Variants in AKAP19 observed in about 807,000 individuals in gnomAD.
The protein encoded by AKAP19 is small A-kinase anchoring protein.
At chr2:189,938,460 T>C in the AKAP19 span, among the ~76,000 whole-genome samples, 1 of 151,940 alleles carries the variant, frequency 6.6e-6, no homozygotes, top group Non-Finnish European at 1.5e-5. Flanking sequence ...TTATGGTAAG[T>C]GAAATAAGCC....
At chr2:190,076,043 C>T in the AKAP19 span, among the ~76,000 whole-genome samples, 1 of 152,014 alleles carries the variant, frequency 6.6e-6, no homozygotes, top group Non-Finnish European at 1.5e-5. Flanking sequence ...GTGTGATTGC[C>T]ATCATACATT....
At chr2:190,200,135 G>A in the AKAP19 span, 2 of 1,613,740 alleles carry the variant, frequency 1.2e-6, no homozygotes, top group Admixed American at 3.3e-5. Flanking sequence ...TACATTGAGA[G>A]TGAGGGGCCT....
the AKAP19 span, among the ~76,000 whole-genome samples, chr2:190,081,808 T>C: frequency 6.6e-6 from 1 of 152,106 alleles, no homozygotes; most frequent in Non-Finnish European, 1.5e-5. Flanking sequence ...TTCTATGGTA[T>C]AGTAGGTAAA....
chr2:189,901,725 G>A, the AKAP19 span, among the ~76,000 whole-genome samples: 1 of 152,162 alleles, frequency 6.6e-6, no homozygotes, highest in Non-Finnish European at 1.5e-5. Context: ...CCCCAAAAAT[G>A]TTAGCCAGTT....
the AKAP19 span, among the ~76,000 whole-genome samples, chr2:189,941,561 A>G: frequency 1.3e-5 from 2 of 152,192 alleles, no homozygotes; most frequent in African/African-American, 4.8e-5. Flanking sequence ...AGTAAATATA[A>G]AATAAAATAA....
chr2:189,932,993 GA>G, the AKAP19 span, among the ~76,000 whole-genome samples: 2 of 152,108 alleles, frequency 1.3e-5, no homozygotes, highest in Non-Finnish European at 2.9e-5. Flanking sequence ...CTCATATCTA[GA>G]TTATCCTATG....
At chr2:190,004,827 T>C in the AKAP19 span, among the ~76,000 whole-genome samples, 7 of 152,182 alleles carry the variant, frequency 4.6e-5, no homozygotes, top group Non-Finnish European at 8.8e-5. Context: ...TAATTGGATG[T>C]TCAGTAGGTT....
At chr2:190,010,638 A>G in the AKAP19 span, among the ~76,000 whole-genome samples, 1 of 152,212 alleles carries the variant, frequency 6.6e-6, no homozygotes, top group Non-Finnish European at 1.5e-5. Context: ...GGTTGTATAG[A>G]AAATATGGTG....
the AKAP19 span, among the ~76,000 whole-genome samples, chr2:190,136,105 T>C: frequency 6.6e-6 from 1 of 151,478 alleles, no homozygotes. Flanking sequence ...GGGTGTCTAC[T>C]ACATGTGAAC....
chr2:190,077,500 G>A, the AKAP19 span, among the ~76,000 whole-genome samples: 4 of 152,094 alleles, frequency 2.6e-5, no homozygotes, highest in South Asian at 8.3e-4. Flanking sequence ...ATGTTAAAAT[G>A]TTAATGTTGG....
chr2:190,106,478 C>G, the AKAP19 span, among the ~76,000 whole-genome samples: 2 of 152,118 alleles, frequency 1.3e-5, no homozygotes, highest in East Asian at 3.9e-4. Flanking sequence ...TGTTCGTTTG[C>G]CCTATCCTAC....
chr2:190,084,684 G>T, the AKAP19 span, among the ~76,000 whole-genome samples: 1 of 152,144 alleles, frequency 6.6e-6, no homozygotes, highest in Admixed American at 6.5e-5. Flanking sequence ...TAAGGTGATT[G>T]TATTTTCCCA....
At chr2:190,104,508 T>G in the AKAP19 span, among the ~76,000 whole-genome samples, 8 of 152,068 alleles carry the variant, frequency 5.3e-5, no homozygotes, top group Non-Finnish European at 1.2e-4. Context: ...CAAATAACCC[T>G]GGCCAGGCAC....
the AKAP19 span, among the ~76,000 whole-genome samples, chr2:190,096,662 C>G: frequency 1.3e-5 from 2 of 152,146 alleles, no homozygotes; most frequent in Non-Finnish European, 2.9e-5. Context: ...ATGTTTTAGT[C>G]CATGTATGCT....
At chr2:189,940,874 G>C in the AKAP19 span, among the ~76,000 whole-genome samples, 23,387 of 151,994 alleles carry the variant, frequency 0.15, 1,877 homozygotes, top group Middle Eastern at 0.25. Context: ...CTGGGCGACA[G>C]AGCAAGACTC....
the AKAP19 span, among the ~76,000 whole-genome samples, chr2:190,074,282 G>A: frequency 5.9e-5 from 9 of 151,968 alleles, 1 homozygote; most frequent in East Asian, 1.7e-3. Context: ...AAATGAGAGG[G>A]GAATATCACT....
At chr2:190,007,004 AG>A in the AKAP19 span, among the ~76,000 whole-genome samples, 1 of 152,150 alleles carries the variant, frequency 6.6e-6, no homozygotes, top group African/African-American at 2.4e-5. Context: ...TGGGCGACAG[AG>A]TGAGACTCCA....
chr2:189,894,295 A>G, the AKAP19 span, among the ~76,000 whole-genome samples: 2 of 152,338 alleles, frequency 1.3e-5, no homozygotes, highest in East Asian at 3.9e-4. Context: ...TCTTTATATT[A>G]TAACACATTT....
the AKAP19 span, among the ~76,000 whole-genome samples, chr2:190,020,987 T>C: frequency 1.3e-5 from 2 of 152,218 alleles, no homozygotes; most frequent in African/African-American, 4.8e-5. Context: ...AGAATTTCCT[T>C]CCTTTATAGG....
Sources: allele counts gnomAD v4.1 joint callset (sites outside exome capture counted in the v4.1 genomes callset), GRCh38; gene constraint gnomAD v4.1.1; transcripts MANE v1.5; gene names NCBI Gene and HGNC (gene_info 2026-07-23, HGNC 2026-07-21).